Variants in PTPN11 observed in about 807,000 individuals in gnomAD.
PTPN11 encodes tyrosine-protein phosphatase non-receptor type 11.
In PTPN11, 6 loss-of-function variants were observed where a neutral mutation model predicts 78.8. The observed-to-expected ratio is 0.08, with a 90% CI of 0.04 to 0.15. The LOEUF is 0.15. PTPN11 is among the 10% of genes least tolerant of loss of function. PTPN11 has a pLI of 1.00. For missense variants in PTPN11, 386 were observed against 744.8 expected (o/e 0.52, Z 5.61); for synonymous variants, 221 against 263.5 (o/e 0.84, Z 1.56).
At chr12:112,420,722 A>T (rs1190712744) in intron 1 of PTPN11, among the ~76,000 whole-genome samples, 1 of 152,172 alleles carries the variant, frequency 6.6e-6, no homozygotes, top group East Asian at 1.9e-4. Flanking sequence ...CTGGAATTTA[A>T]AAAGGGGAGA....
chr12:112,490,527 G>A (rs368880974), intron 13 of PTPN11, among the ~76,000 whole-genome samples: 8 of 152,162 alleles, frequency 5.3e-5, no homozygotes, highest in Admixed American at 2.6e-4. Flanking sequence ...GGCTAGTCTC[G>A]AATTCCTAGG....
chr12:112,470,761 C>T (rs375961281), intron 6 of PTPN11, among the ~76,000 whole-genome samples: 20 of 152,202 alleles, frequency 1.3e-4, no homozygotes, highest in African/African-American at 4.8e-4. Flanking sequence ...AGTCCCCCTC[C>T]CCCGGTATGT....
chr12:112,426,794 T>TTTTATTTTA (rs1397050092), intron 1 of PTPN11, among the ~76,000 whole-genome samples: 1 of 151,982 alleles, frequency 6.6e-6, no homozygotes, highest in African/African-American at 2.4e-5. Context: ...GTGTGATCTT[T>TTTTATTTTA]TTTATTTTAT....
At chr12:112,454,816 ATCTT>A in intron 5 of PTPN11, 136 bp downstream of exon 5, 1 of 676,062 alleles carries the variant, frequency 1.5e-6, no homozygotes, top group Non-Finnish European at 2.7e-6. Flanking sequence ...CAACTATCAA[ATCTT>A]TTTTTTTTTT....
intron 6 of PTPN11, among the ~76,000 whole-genome samples, chr12:112,458,039 ATATT>A (rs1406144859): frequency 6.6e-6 from 1 of 152,182 alleles, no homozygotes; most frequent in Admixed American, 6.6e-5. Context: ...CAATTTATAA[ATATT>A]TGTGGATTGA....
chr12:112,466,019 T>C (rs2038320971), intron 6 of PTPN11, among the ~76,000 whole-genome samples: 1 of 152,202 alleles, frequency 6.6e-6, no homozygotes, highest in South Asian at 2.1e-4. Flanking sequence ...TCTGGATCTA[T>C]TCTAGGTTTT....
chr12:112,501,062 G>T (rs1311589284), intron 13 of PTPN11, among the ~76,000 whole-genome samples: 1 of 152,096 alleles, frequency 6.6e-6, no homozygotes, highest in African/African-American at 2.4e-5. Context: ...GTGCCACCAG[G>T]CCTGGCTTGT....
intron 3 of PTPN11, among the ~76,000 whole-genome samples, 165 bp from the exon 4 acceptor site, chr12:112,453,030 T>C (rs2038099797): frequency 6.6e-6 from 1 of 152,204 alleles, no homozygotes; most frequent in Non-Finnish European, 1.5e-5. Context: ...CCTGCCTGCA[T>C]GGGATGCAGA....
chr12:112,482,061 T>G lies in PTPN11; in HGVS notation c.1093-13T>G. The G allele has an allele frequency of 6.4e-7, 1 of 1,554,932 alleles. No homozygotes were observed. The highest frequency in any genetic ancestry group is 8.9e-7 in the Non-Finnish European group (1 of 1,126,640). ...TCACAGAATTAACTTTCTTTTTTTCTGATCTCTTCCAGAGTAAATGTGTCA... is the reference window on the plus strand; with the variant it reads ...TCACAGAATTAACTTTCTTTTTTTCGGATCTCTTCCAGAGTAAATGTGTCA... On this transcript the variant is annotated splice_polypyrimidine_tract_variant and intron_variant, in intron 9 of 15. Transcript: ENST00000351677. This position sits in a 1 kb window ranked among gnomAD's most constrained non-coding sequence, Gnocchi z 4.4.
chr12:112,419,609 G>C (rs1436123381), intron 1 of PTPN11, among the ~76,000 whole-genome samples: 1 of 152,190 alleles, frequency 6.6e-6, no homozygotes, highest in Admixed American at 6.5e-5. Flanking sequence ...GGGACTTCAC[G>C]CAGGACCCCT....
intron 11 of PTPN11, among the ~76,000 whole-genome samples, chr12:112,488,147 A>T (rs2038703064): frequency 6.6e-6 from 1 of 151,838 alleles, no homozygotes; most frequent in Non-Finnish European, 1.5e-5. Flanking sequence ...TCCAACCAGC[A>T]CTCTGTATGG....
chr12:112,468,254 G>A (rs2038360581), intron 6 of PTPN11, among the ~76,000 whole-genome samples: 1 of 152,182 alleles, frequency 6.6e-6, no homozygotes, highest in African/African-American at 2.4e-5. Context: ...AGCAGCTTTT[G>A]TGCCCTAGGG....
chr12:112,484,605 G>T (rs1203471442), intron 10 of PTPN11, among the ~76,000 whole-genome samples: 1 of 152,182 alleles, frequency 6.6e-6, no homozygotes, highest in Non-Finnish European at 1.5e-5. Context: ...TGTGGCCCAG[G>T]GTGGGATGTT....
At chr12:112,432,620 G>C (rs1303758677) in intron 1 of PTPN11, among the ~76,000 whole-genome samples, 1 of 146,518 alleles carries the variant, frequency 6.8e-6, no homozygotes, top group East Asian at 2.1e-4. Context: ...AGTGAGGTGA[G>C]ATTGGGCCAC....
At chr12:112,447,394 T>G (rs985198927) in intron 2 of PTPN11, among the ~76,000 whole-genome samples, 4 of 152,230 alleles carry the variant, frequency 2.6e-5, no homozygotes, top group Admixed American at 2.6e-4. Context: ...ATGAACAATA[T>G]AAAGTTGGTT....
chr12:112,483,180 G>A (rs1388290705), intron 10 of PTPN11, among the ~76,000 whole-genome samples: 1 of 150,884 alleles, frequency 6.6e-6, no homozygotes, highest in Non-Finnish European at 1.5e-5. Context: ...TTTGGAGGGG[G>A]AAGGGACTTT....
intron 2 of PTPN11, 116 bp from the exon 3 acceptor site, chr12:112,450,202 G>A (rs1234114872): frequency 6.4e-6 from 6 of 930,342 alleles, no homozygotes; most frequent in South Asian, 2.7e-5. Flanking sequence ...AGGTAAATTC[G>A]TTCCTTGGGT....
intron 1 of PTPN11, among the ~76,000 whole-genome samples, chr12:112,419,527 AG>A (rs2037486322): frequency 6.6e-6 from 1 of 152,094 alleles, no homozygotes; most frequent in African/African-American, 2.4e-5. Context: ...GGGACACGAG[AG>A]GGGAGTTGCG....
At chr12:112,452,192 T>G (rs1186824621) in intron 3 of PTPN11, among the ~76,000 whole-genome samples, 1 of 152,046 alleles carries the variant, frequency 6.6e-6, no homozygotes, top group Non-Finnish European at 1.5e-5. Context: ...CAACTTTTTA[T>G]TACAACTTCT....
Sources: gnomAD v4.1 joint callset for allele counts (sites outside exome capture counted in the v4.1 genomes callset) on GRCh38, gnomAD v4.1.1 for gene constraint, Gnocchi (gnomAD v3.1) non-coding constraint, MANE v1.5 for transcripts, NCBI Gene and HGNC (gene_info 2026-07-23, HGNC 2026-07-21) for gene names.